IL1RAPL2: variants seen among roughly 807,000 people sequenced by gnomAD.
IL1RAPL2 encodes interleukin 1 receptor accessory protein like 2, also known as X-linked interleukin-1 receptor accessory protein-like 2.
IL1RAPL2 carries 3 observed loss-of-function variants against 44.1 expected under a neutral mutation model. The ratio of observed to expected loss-of-function variants is 0.07; its 90% CI spans 0.03 to 0.18. The LOEUF (loss-of-function observed/expected upper bound fraction) is 0.18, where lower values mean the gene tolerates loss of function less well. Among genes scored for constraint, IL1RAPL2 ranks in the 10% least tolerant of loss-of-function variants. The pLI is 1.00. For missense variants in IL1RAPL2, 391 were observed against 496.4 expected (o/e 0.79, Z 2.02); for synonymous variants, 181 against 178.8 (o/e 1.01, Z -0.10).
At chrX:105,639,337 A>G (rs1470145733) in intron 6 of IL1RAPL2, among the ~76,000 whole-genome samples, 3 of 111,679 alleles carry the variant, frequency 2.7e-5, no homozygotes, top group Non-Finnish European at 5.6e-5. Context: ...ATGGGACACA[A>G]CCTGCTATAA....
chrX:105,084,424 A>T (rs766338063), intron 2 of IL1RAPL2, among the ~76,000 whole-genome samples: 1 of 112,752 alleles, frequency 8.9e-6, no homozygotes, highest in Non-Finnish European at 1.9e-5. Context: ...CATTAGCATG[A>T]CCTGGATGTG....
At chrX:104,942,025 T>A (rs1404199209) in intron 2 of IL1RAPL2, among the ~76,000 whole-genome samples, 1 of 111,629 alleles carries the variant, frequency 9.0e-6, no homozygotes, top group Non-Finnish European at 1.9e-5. Flanking sequence ...TGTGGTATTA[T>A]TTCTGAGGTC....
chrX:104,912,329 C>A, intron 2 of IL1RAPL2, among the ~76,000 whole-genome samples: 1 of 110,382 alleles, frequency 9.1e-6, no homozygotes, highest in Admixed American at 9.8e-5. Context: ...AGATTACTTG[C>A]CCACCTGGGA....
At chrX:105,179,857 G>T (rs2033512074) in intron 2 of IL1RAPL2, among the ~76,000 whole-genome samples, 1 of 108,563 alleles carries the variant, frequency 9.2e-6, no homozygotes, top group Admixed American at 9.9e-5. Flanking sequence ...TAACTTTACT[G>T]GATTAATTGA....
chrX:105,237,698 C>T (rs2034134012), intron 4 of IL1RAPL2, among the ~76,000 whole-genome samples: 1 of 110,927 alleles, frequency 9.0e-6, no homozygotes, highest in African/African-American at 3.3e-5. Context: ...TTGTTTTTTT[C>T]GTGTAAATTT....
At chrX:104,650,643 A>C (rs774328116) in intron 1 of IL1RAPL2, among the ~76,000 whole-genome samples, 2 of 112,007 alleles carry the variant, frequency 1.8e-5, no homozygotes, top group Admixed American at 1.9e-4. Flanking sequence ...ATGCTAAAAA[A>C]AACCACTTAT....
chrX:105,032,059 G>A lies in IL1RAPL2; in HGVS notation c.83-163416G>A, dbSNP rs1308823866. On this transcript the variant is annotated intron_variant, in intron 2 of 10. Transcript: ENST00000372582. ...CTGATGGTAGTTTGTATTTCTGTGGGATCGCTGGTGATATCCCCTTTATCA... is the reference window on the plus strand; with the variant it reads ...CTGATGGTAGTTTGTATTTCTGTGGAATCGCTGGTGATATCCCCTTTATCA... Among the ~76,000 whole-genome samples the A allele has an allele frequency of 8.4e-4, 93 of 111,356 alleles. 1 individual carries two copies. Among genetic ancestry groups the A allele is most frequent in the Non-Finnish European group, 1.5e-3 (77 of 53,086 alleles).
intron 2 of IL1RAPL2, among the ~76,000 whole-genome samples, chrX:104,801,480 T>C (rs1932885256): frequency 9.0e-6 from 1 of 111,536 alleles, no homozygotes; most frequent in African/African-American, 3.3e-5. Context: ...TATTTGTATT[T>C]ATGTAAGAGA....
intron 6 of IL1RAPL2, among the ~76,000 whole-genome samples, chrX:105,639,297 C>G (rs960512557): frequency 1.8e-5 from 2 of 111,204 alleles, no homozygotes; most frequent in Admixed American, 1.9e-4. Flanking sequence ...TAATCCTTAC[C>G]TAAGAGCCAT....
intron 6 of IL1RAPL2, among the ~76,000 whole-genome samples, chrX:105,668,256 T>C (rs1254831581): frequency 2.7e-5 from 3 of 112,453 alleles, no homozygotes; most frequent in African/African-American, 9.7e-5. Flanking sequence ...TTATAACACT[T>C]TCTCCAGCCC....
intron 2 of IL1RAPL2, among the ~76,000 whole-genome samples, chrX:104,770,503 C>T (rs112278401): frequency 4.3e-4 from 48 of 111,630 alleles, no homozygotes; most frequent in African/African-American, 1.5e-3. Context: ...CAGGCAACAT[C>T]TATAATATAA....
At chrX:105,105,545 G>A (rs2032729360) in intron 2 of IL1RAPL2, among the ~76,000 whole-genome samples, 1 of 112,358 alleles carries the variant, frequency 8.9e-6, no homozygotes, top group Non-Finnish European at 1.9e-5. Flanking sequence ...TACCCGTTGG[G>A]CTCGTTAGTT....
chrX:105,664,566 C>A (rs1023646202), intron 6 of IL1RAPL2, among the ~76,000 whole-genome samples: 2 of 111,783 alleles, frequency 1.8e-5, no homozygotes, highest in Non-Finnish European at 3.8e-5. Context: ...CAGTAAGAGA[C>A]TGCCTTTTAA....
At chrX:105,547,419 C>T (rs2036811728) in intron 6 of IL1RAPL2, among the ~76,000 whole-genome samples, 1 of 112,037 alleles carries the variant, frequency 8.9e-6, no homozygotes, top group Admixed American at 9.5e-5. Flanking sequence ...CTAGAAGACC[C>T]ACTACAGCAT....
intron 2 of IL1RAPL2, among the ~76,000 whole-genome samples, chrX:105,191,209 TTTTG>T (rs199596357): frequency 1.3e-4 from 14 of 111,974 alleles, no homozygotes; most frequent in Admixed American, 4.7e-4. Context: ...TATTAAAGCA[TTTTG>T]TTTGTTTGTT....
chrX:105,353,270 G>A (rs1236445552), intron 5 of IL1RAPL2, among the ~76,000 whole-genome samples: 1 of 111,164 alleles, frequency 9.0e-6, no homozygotes, highest in East Asian at 2.8e-4. Flanking sequence ...TGAGGGCTCT[G>A]TTCTGTTCCA....
At chrX:104,767,498 A>G (rs1167771930) in intron 2 of IL1RAPL2, among the ~76,000 whole-genome samples, 1 of 111,552 alleles carries the variant, frequency 9.0e-6, no homozygotes, top group African/African-American at 3.3e-5. Context: ...CATTCAGTAA[A>G]CTAGTATTTT....
chrX:105,642,211 C>A (rs1473230501), intron 6 of IL1RAPL2, among the ~76,000 whole-genome samples: 1 of 110,657 alleles, frequency 9.0e-6, no homozygotes, highest in African/African-American at 3.3e-5. Context: ...CATTCCCTCA[C>A]AGCCCTGCTA....
intron 2 of IL1RAPL2, among the ~76,000 whole-genome samples, chrX:104,805,796 A>G (rs1036729645): frequency 8.9e-6 from 1 of 111,896 alleles, no homozygotes. Flanking sequence ...AAATAACCCT[A>G]TGTGGTAGGT....
Sources: allele counts gnomAD v4.1 joint callset (sites outside exome capture counted in the v4.1 genomes callset), GRCh38; gene constraint gnomAD v4.1.1; transcripts MANE v1.5; gene names NCBI Gene and HGNC (gene_info 2026-07-23, HGNC 2026-07-21).